HNMT: variants seen among roughly 807,000 people sequenced by gnomAD.
HNMT encodes histamine N-methyltransferase.
In HNMT, 30 loss-of-function variants were observed where a neutral mutation model predicts 32.1. That is an observed-to-expected ratio of 0.93 (90% CI 0.70 to 1.27). The LOEUF (loss-of-function observed/expected upper bound fraction) is 1.27. Ranked by LOEUF, HNMT falls within the 50% of genes most tolerant of loss-of-function variation. The pLI, the probability that HNMT is intolerant of heterozygous loss-of-function variation, is 0.00. For synonymous variants in HNMT, 125 were observed against 119.0 expected (o/e 1.05, Z -0.33); for missense variants, 327 against 346.0 (o/e 0.95, Z 0.43).
At chr2:137,994,883 C>T (rs745939972) in intron 2 of HNMT, among the ~76,000 whole-genome samples, 1 of 152,148 alleles carries the variant, frequency 6.6e-6, no homozygotes, top group Non-Finnish European at 1.5e-5. Context: ...CACATAATTA[C>T]ATGGAAATTG....
At chr2:137,981,456 A>G (rs765433838) in intron 2 of HNMT, 4 of 1,161,358 alleles carry the variant, frequency 3.4e-6, no homozygotes, top group South Asian at 1.3e-5. Context: ...GAAAATTGCA[A>G]AGTCTTCACA....
chr2:137,972,096 T>C (rs1680155255), intron 2 of HNMT, among the ~76,000 whole-genome samples: 1 of 151,998 alleles, frequency 6.6e-6, no homozygotes, highest in South Asian at 2.1e-4. Context: ...TCACTGATTT[T>C]TTGTTTTTGT....
chr2:137,999,742 G>A (rs1273117399), intron 2 of HNMT, among the ~76,000 whole-genome samples: 2 of 152,114 alleles, frequency 1.3e-5, no homozygotes, highest in African/African-American at 4.8e-5. Flanking sequence ...GGAGGCATCA[G>A]CAAGAGGGAG....
chr2:137,967,078 C>A (rs760405367), intron 1 of HNMT: 7 of 780,396 alleles, frequency 9.0e-6, no homozygotes, highest in African/African-American at 3.4e-5. Flanking sequence ...TCTAAAGGTA[C>A]TTTTCCACTG....
intron 2 of HNMT, among the ~76,000 whole-genome samples, chr2:137,977,238 C>T (rs1680312950): frequency 6.6e-6 from 1 of 152,100 alleles, no homozygotes; most frequent in African/African-American, 2.4e-5. Context: ...CATAAAAGTC[C>T]ATGGCATGTG....
intron 2 of HNMT, among the ~76,000 whole-genome samples, chr2:137,988,336 T>A (rs370341172): frequency 2.6e-5 from 4 of 152,114 alleles, no homozygotes; most frequent in Non-Finnish European, 5.9e-5. Context: ...ATGTGAATAA[T>A]CTTGACCTGA....
chr2:137,975,147 G>A (rs994658761), intron 2 of HNMT, among the ~76,000 whole-genome samples: 40 of 152,306 alleles, frequency 2.6e-4, no homozygotes, highest in African/African-American at 8.2e-4. Context: ...CAATTTAGAG[G>A]TTTATTTTAC....
intron 5 of HNMT, among the ~76,000 whole-genome samples, chr2:138,012,994 G>A (rs1052223243): frequency 1.3e-5 from 2 of 151,840 alleles, no homozygotes; most frequent in African/African-American, 4.8e-5. Context: ...GTGAGGCCAG[G>A]GTGACCTTAT....
chr2:137,980,497 G>A (rs62168714), intron 2 of HNMT, among the ~76,000 whole-genome samples: 18,769 of 152,184 alleles, frequency 0.12, 1,414 homozygotes, highest in Non-Finnish European at 0.17. Flanking sequence ...GAGAATGGTG[G>A]CTATCCTCTG....
At chr2:137,984,328 A>G (rs1680588428) in intron 2 of HNMT, among the ~76,000 whole-genome samples, 1 of 152,240 alleles carries the variant, frequency 6.6e-6, no homozygotes, top group African/African-American at 2.4e-5. Flanking sequence ...CTATATTCTC[A>G]GTGGCCTGGA....
In HNMT at chr2:138,013,969, C is replaced by T. The variant is rs573144268; in HGVS notation, c.718C>T (p.Leu240Phe). ...TGATGGTAATGAAAATGGAGACCTG[C>T]TTTGGGATTTTTTGACTGAAACCTG... Reference protein sequence around the residue: ...FIDGNENGDLLWDFLTETCNF... With the variant: ...FIDGNENGDLFWDFLTETCNF... Residue 240 changes from leucine to phenylalanine, a missense_variant, in exon 6 of 6, where the codon CTT becomes TTT. Coordinates refer to ENST00000280097, the MANE Select transcript of HNMT (RefSeq NM_006895.3). The T allele has an allele frequency of 6.2e-7, 1 of 1,613,770 alleles. No homozygotes were observed. Among genetic ancestry groups the T allele is most frequent in the Non-Finnish European group, 8.5e-7 (1 of 1,179,828 alleles).
intron 1 of HNMT, among the ~76,000 whole-genome samples, chr2:137,965,392 C>A (rs989412207): frequency 1.3e-5 from 2 of 152,036 alleles, no homozygotes; most frequent in Non-Finnish European, 2.9e-5. Context: ...TAATGGAAAA[C>A]TGGGAAGAAA....
At chr2:138,006,138 T>C (rs1379748532) in intron 5 of HNMT, among the ~76,000 whole-genome samples, 1 of 152,054 alleles carries the variant, frequency 6.6e-6, no homozygotes, top group African/African-American at 2.4e-5. Flanking sequence ...CATTTAGATA[T>C]ACTATTTTTA....
chr2:137,978,390 A>G (rs1026929995), intron 2 of HNMT, among the ~76,000 whole-genome samples: 3 of 146,566 alleles, frequency 2.0e-5, no homozygotes, highest in African/African-American at 7.4e-5. Flanking sequence ...TATATAATAT[A>G]GTATTATACA....
chr2:137,971,387 C>T (rs1021065327), intron 2 of HNMT, among the ~76,000 whole-genome samples: 2 of 152,304 alleles, frequency 1.3e-5, no homozygotes, highest in South Asian at 4.1e-4. Flanking sequence ...ACCATCTTGT[C>T]CAGGCTGGTC....
At chr2:137,981,846 C>A (rs1680510226) in intron 2 of HNMT, among the ~76,000 whole-genome samples, 1 of 152,036 alleles carries the variant, frequency 6.6e-6, no homozygotes, top group Non-Finnish European at 1.5e-5. Context: ...CTACAGGCTT[C>A]TTCTTATTAT....
Position 137,998,401 on chromosome 2 carries a change from C to T in HNMT, c.191-2517C>T, listed in dbSNP as rs77117573. ...AAATGAACAAGTTAGGACCAAAAAACGAAAGCAGATGGACACTAAGTCAAC... is the reference window on the plus strand; with the variant it reads ...AAATGAACAAGTTAGGACCAAAAAATGAAAGCAGATGGACACTAAGTCAAC... On this transcript the variant is annotated intron_variant, in intron 2 of 5. Transcript: ENST00000280097. Among the ~76,000 whole-genome samples the T allele has an allele frequency of 3.6e-3, 553 of 152,102 alleles. 1 individual carries two copies. Among genetic ancestry groups the T allele is most frequent in the Non-Finnish European group, 6.5e-3 (441 of 67,988 alleles).
At chr2:137,982,257 G>A (rs527820214) in intron 2 of HNMT, among the ~76,000 whole-genome samples, 4 of 152,186 alleles carry the variant, frequency 2.6e-5, no homozygotes, top group South Asian at 2.1e-4. Context: ...TGAACTTCAG[G>A]GAGTGGAGAA....
At chr2:138,013,665 A>C (rs1290648529) in intron 5 of HNMT, 110 bp from the exon 6 acceptor site, 4 of 762,118 alleles carry the variant, frequency 5.2e-6, no homozygotes, top group Non-Finnish European at 8.4e-6. Context: ...TGAGCTGCAC[A>C]AAGGACAAGA....
Sources: allele counts gnomAD v4.1 joint callset (sites outside exome capture counted in the v4.1 genomes callset), GRCh38; gene constraint gnomAD v4.1.1; transcripts MANE v1.5; gene names NCBI Gene and HGNC (gene_info 2026-07-23, HGNC 2026-07-21).